The following SASH1 variants were observed in gnomAD, a reference collection of about 807,000 sequenced individuals.
SASH1 encodes the protein SAM and SH3 domain-containing protein 1.
A neutral mutation model predicts 125.2 loss-of-function variants in SASH1; 44 were observed. The observed-to-expected ratio is 0.35, with a 90% CI of 0.28 to 0.45. The LOEUF is 0.45. SASH1 is among the 20% of genes least tolerant of loss of function. The pLI, the probability that SASH1 is intolerant of heterozygous loss-of-function variation, is 1.00. For missense variants in SASH1, 1,426 were observed against 1,614.5 expected (o/e 0.88, Z 2.00); for synonymous variants, 639 against 649.1 (o/e 0.98, Z 0.24).
chr6:148,507,344 T>C (rs916613059), intron 8 of SASH1, among the ~76,000 whole-genome samples: 3 of 147,702 alleles, frequency 2.0e-5, no homozygotes, highest in Non-Finnish European at 4.6e-5. Flanking sequence ...GGGAGCTTCG[T>C]ATTCCAATTC....
At chr6:148,199,157 G>A in the SASH1 span, among the ~76,000 whole-genome samples, 7 of 152,130 alleles carry the variant, frequency 4.6e-5, no homozygotes, top group South Asian at 2.1e-4. Flanking sequence ...CAAGGCAGGC[G>A]GATCACCTGA....
chr6:148,240,979 A>T, the SASH1 span, among the ~76,000 whole-genome samples: 2 of 152,002 alleles, frequency 1.3e-5, no homozygotes, highest in Non-Finnish European at 2.9e-5. Flanking sequence ...CCATTTTTTT[A>T]AAGTTATGTT....
At chr6:148,369,437 A>G (rs1275396881) in intron 1 of SASH1, among the ~76,000 whole-genome samples, 1 of 152,210 alleles carries the variant, frequency 6.6e-6, no homozygotes, top group Non-Finnish European at 1.5e-5. Context: ...GATAAGCAAC[A>G]GTGGCCATTG....
chr6:148,270,012 G>T (rs184425625), upstream of SASH1, among the ~76,000 whole-genome samples: 6 of 148,366 alleles, frequency 4.0e-5, no homozygotes, highest in African/African-American at 1.5e-4. Context: ...ACCATAGACC[G>T]ATATACACTG....
chr6:148,538,471 G>A (rs1782007932), intron 16 of SASH1, among the ~76,000 whole-genome samples: 1 of 152,216 alleles, frequency 6.6e-6, no homozygotes, highest in African/African-American at 2.4e-5. Flanking sequence ...CTTCCACACA[G>A]TGAGGACACC....
chr6:148,517,825 C>T (rs1780531971), intron 9 of SASH1, among the ~76,000 whole-genome samples: 1 of 152,226 alleles, frequency 6.6e-6, no homozygotes, highest in Admixed American at 6.5e-5. Flanking sequence ...TCCAAAGCAA[C>T]TGCTGAGTGA....
the SASH1 span, among the ~76,000 whole-genome samples, chr6:148,201,592 C>T: frequency 6.6e-6 from 1 of 152,132 alleles, no homozygotes; most frequent in African/African-American, 2.4e-5. Context: ...AATTGCTGTC[C>T]TAGAGCTCAA....
rs35856337 is a variant in SASH1, at chr6:148,408,140, C to CTTTTTT, written c.285+17893_285+17898dup. 5.9e-5 allele frequency among the ~76,000 whole-genome samples: 7 copies of CTTTTTT among 119,240 alleles called. No individual in the cohort carries two copies. The East Asian group carries it at 1.2e-3, about 20-fold the overall frequency. The allele number at this position is 119,240 out of a possible 152,430, so 78.2% of individuals were successfully genotyped here. A position where few individuals can be genotyped will look rare whatever the true frequency, so the allele number is the denominator to read the frequency against. On this transcript the variant is annotated intron_variant, in intron 2 of 19. Transcript: ENST00000367467. Reference sequence around the variant, plus strand: ...ATGTTAGTGATGTTGGGCATCTTTCCTTTTTTTTTTTTTTTTTTTTGAGAC... The same window carrying CTTTTTT: ...ATGTTAGTGATGTTGGGCATCTTTCCTTTTTTTTTTTTTTTTTTTTTTTTTTGAGAC...
intron 1 of SASH1, among the ~76,000 whole-genome samples, chr6:148,328,465 C>T (rs1183866894): frequency 6.6e-6 from 1 of 151,920 alleles, no homozygotes; most frequent in Non-Finnish European, 1.5e-5. Context: ...CAGTGGTGGG[C>T]ACCTGTAATC....
intron 1 of SASH1, among the ~76,000 whole-genome samples, chr6:148,360,364 T>TC (rs973702208): frequency 2.0e-5 from 3 of 151,444 alleles, no homozygotes; most frequent in South Asian, 2.1e-4. Context: ...TTTTTTTTTT[T>TC]CGAGACAGAG....
intron 1 of SASH1, among the ~76,000 whole-genome samples, chr6:148,290,885 TAAAAAA>T (rs58070477): frequency 7.2e-6 from 1 of 138,760 alleles, no homozygotes; most frequent in African/African-American, 2.7e-5. Flanking sequence ...AAAAAAAAGT[TAAAAAA>T]AAAAAAAGAA....
chr6:148,421,970 G>A (rs146714819), intron 2 of SASH1, among the ~76,000 whole-genome samples: 30 of 152,202 alleles, frequency 2.0e-4, no homozygotes, highest in African/African-American at 6.7e-4. Context: ...TTATCATAAT[G>A]TGGCACATTT....
chr6:148,264,023 C>T, the SASH1 span, among the ~76,000 whole-genome samples: 1 of 152,084 alleles, frequency 6.6e-6, no homozygotes, highest in African/African-American at 2.4e-5. Context: ...ACAAAACCAG[C>T]AAGCAAAGAG....
chr6:148,490,523 AG>A (rs1779065812), intron 8 of SASH1, among the ~76,000 whole-genome samples: 1 of 152,206 alleles, frequency 6.6e-6, no homozygotes, highest in Non-Finnish European at 1.5e-5. Context: ...CAAACATTGT[AG>A]GGTGCCATCT....
chr6:148,351,344 T>C (rs1440741466), intron 1 of SASH1, among the ~76,000 whole-genome samples: 1 of 152,148 alleles, frequency 6.6e-6, no homozygotes, highest in Non-Finnish European at 1.5e-5. Flanking sequence ...TTCAGACTAA[T>C]GTTCTCTGTG....
At chr6:148,211,591 C>T in the SASH1 span, among the ~76,000 whole-genome samples, 1 of 146,890 alleles carries the variant, frequency 6.8e-6, no homozygotes, top group South Asian at 2.1e-4. Flanking sequence ...AAAAAAAAAG[C>T]ACTAAAGGAA....
chr6:148,393,889 T>A, intron 2 of SASH1: 1 of 31,188 alleles, frequency 3.2e-5, no homozygotes, highest in Non-Finnish European at 5.9e-5. Flanking sequence ...TCTCTCTCTC[T>A]TTTTTTTTTT....
At chr6:148,511,084 G>A (rs139809127) in intron 8 of SASH1, among the ~76,000 whole-genome samples, 264 of 152,062 alleles carry the variant, frequency 1.7e-3, no homozygotes, top group Admixed American at 5.6e-3. Context: ...ATGACATGAG[G>A]AATTCAAGAT....
intron 1 of SASH1, among the ~76,000 whole-genome samples, chr6:148,381,462 G>T (rs1264049158): frequency 6.6e-6 from 1 of 151,980 alleles, no homozygotes; most frequent in Admixed American, 6.6e-5. Context: ...AAATGCAGAG[G>T]ACCTTGGGGA....
Sources: gnomAD v4.1 joint callset for allele counts (sites outside exome capture counted in the v4.1 genomes callset) on GRCh38, gnomAD v4.1.1 for gene constraint, MANE v1.5 for transcripts, NCBI Gene and HGNC (gene_info 2026-07-23, HGNC 2026-07-21) for gene names.